SYNE1: variants seen among roughly 807,000 people sequenced by gnomAD.
SYNE1 encodes the protein spectrin repeat containing nuclear envelope protein 1.
Under a neutral mutation model 1,111.0 loss-of-function variants are expected in SYNE1, and 616 were observed. The ratio of observed to expected loss-of-function variants is 0.55; its 90% CI spans 0.52 to 0.59. The LOEUF is 0.59. SYNE1 is among the 20% of genes least tolerant of loss of function. The pLI is 0.00. For missense variants in SYNE1, 10,006 were observed against 10,417.0 expected, an observed-to-expected ratio of 0.96 and a Z score of 1.72; for synonymous variants, 3,855 against 3,825.8, an observed-to-expected ratio of 1.01 and a Z score of -0.28.
intron 138 of SYNE1, among the ~76,000 whole-genome samples, chr6:152,143,367 G>A (rs1456399644): frequency 6.6e-6 from 1 of 152,200 alleles, no homozygotes; most frequent in Non-Finnish European, 1.5e-5. Flanking sequence ...TGCTCTCAAT[G>A]AAAAGGATCT....
Position 152,139,823 on chromosome 6 carries a change from A to G in SYNE1, c.25458+127T>C, listed in dbSNP as rs1585934856. 3.2e-6 allele frequency: 3 copies of G among 925,706 alleles called. No homozygotes were observed. The African/African-American group carries it at 4.9e-5, about 15-fold the overall frequency. 57.3% of individuals were successfully genotyped at this position (925,706 alleles called of 1,614,324 possible). A position where few individuals can be genotyped will look rare whatever the true frequency, so the allele number is the denominator to read the frequency against. ...GGCTGGAGGTGAGGAGAGCATTCTC[A>G]CTCATTTTTGTTAGATCCCTTTTCT... On this transcript the variant is annotated intron_variant, in intron 140 of 145. Transcript: ENST00000367255.
chr6:152,483,221 T>A lies in SYNE1; in HGVS notation c.1214A>T (p.Lys405Ile). The change falls in exon 14 of 146, where the codon AAA becomes ATA. Residue 405 changes from lysine to isoleucine, a missense_variant. By Grantham distance (102) the Lys-to-Ile change is moderately radical (BLOSUM62 -3). Around this residue, in one of 7 missense-constraint regions of SYNE1, gnomAD observed 1,971 missense variants for 2,084.1 expected, o/e 0.95. Transcript: ENST00000367255. ...GGTGCCCAGAGGTGCAGGAAGAGAT[T>A]TATCAAGCTGTATATGCCAGTCAAA... ...RLFDWHIQLDKSLPAPLGTIG... is the reference protein window; with the variant it reads ...RLFDWHIQLDISLPAPLGTIG... The A allele has an allele frequency of 6.2e-7, 1 of 1,614,192 alleles. No individual in the cohort carries two copies. The highest frequency in any genetic ancestry group is 1.3e-5 in the African/African-American group (1 of 75,054).
At chr6:152,195,556 T>TA (rs540423233) in intron 127 of SYNE1, among the ~76,000 whole-genome samples, 54 of 152,360 alleles carry the variant, frequency 3.5e-4, no homozygotes, top group Non-Finnish European at 7.1e-4. Context: ...TGCAGACTGA[T>TA]AGAGGAACCA....
rs551860542 is a variant in SYNE1, at chr6:152,510,152, A to T, written c.581+41T>A. 11 of 1,598,252 alleles carry T rather than the reference A, an allele frequency of 6.9e-6. No homozygotes were observed. In the South Asian group the frequency reaches 1.2e-4, roughly 18 times the overall value. On this transcript the variant is annotated intron_variant, in intron 8 of 145. Transcript: ENST00000367255. The stretch of plus-strand genomic sequence containing the variant: ...TTGCAATTAGTAACATTCATAACTC[A>T]ATTTAACGGTTTCAAATTTAGACAA...
rs1376359259 is a variant in SYNE1, at chr6:152,455,453, A to G, written c.2865T>C (p.Asp955=). The G allele has an allele frequency of 7.4e-6, 12 of 1,613,964 alleles. No individual in the cohort carries two copies. The highest frequency in any genetic ancestry group is 1.0e-5 in the Non-Finnish European group (12 of 1,179,992). Residue 955 remains aspartate, a synonymous_variant, in exon 24 of 146, where the codon GAT becomes GAC. Coordinates refer to ENST00000367255, the MANE Select transcript of SYNE1 (RefSeq NM_182961.4). The part of the protein sequence containing the change: ...IAQEGLEEKG[D]PEELLRRHTE... ...TGTGTCTCCGCAGGAGCTCCTCTGGATCCCCCTTTTCCTCCAGGCCCTCCT... is the reference window on the plus strand; with the variant it reads ...TGTGTCTCCGCAGGAGCTCCTCTGGGTCCCCCTTTTCCTCCAGGCCCTCCT...
intron 3 of SYNE1, among the ~76,000 whole-genome samples, chr6:152,598,320 G>A (rs967654762): frequency 2.0e-5 from 3 of 152,046 alleles, no homozygotes; most frequent in Admixed American, 6.6e-5. Context: ...CATGTGAGAC[G>A]TGTCTTCCAC....
chr6:152,537,042 A>T (rs2099246700), intron 4 of SYNE1, among the ~76,000 whole-genome samples: 1 of 152,140 alleles, frequency 6.6e-6, no homozygotes, highest in East Asian at 1.9e-4. Context: ...AAAAATCAAT[A>T]TTGGGCTAAT....
At position 152,143,910 on chromosome 6, in the gene SYNE1, C is replaced by A. The variant is rs1242956065; in HGVS notation, c.24977-145G>T. On this transcript the variant is annotated intron_variant, in intron 137 of 145. Transcript: ENST00000367255. ...GGGTAATTACAAAGCAAATTTAGTA[C>A]CATCGTGCCGGTGGGTTAGACATTA... 4.3e-6 allele frequency: 5 copies of A among 1,169,222 alleles called. No homozygotes were observed. The Admixed American group carries it at 5.9e-5, about 14-fold the overall frequency. The allele number at this position is 1,169,222 out of a possible 1,614,324, so 72.4% of individuals were successfully genotyped here.
At position 152,450,783 on chromosome 6, in the gene SYNE1, C is replaced by T. The variant is rs1327721027; in HGVS notation, c.3237G>A (p.Gln1079=). Residue 1079 remains glutamine, a synonymous_variant, in exon 27 of 146, where the codon CAG becomes CAA. Coordinates refer to ENST00000367255, the MANE Select transcript of SYNE1 (RefSeq NM_182961.4). The part of the protein sequence containing the change: ...GPHHLCEKRL[Q]LIEELCVKLP... ...GTTTCACACAGAGTTCCTCGATGAG[C>T]TGTAACCTTTTCTCACAGAGATGAT... is the stretch of plus-strand genomic sequence containing the variant. The T allele has an allele frequency of 6.2e-7, 1 of 1,614,104 alleles. No homozygotes were observed. Among genetic ancestry groups the T allele is most frequent in the Non-Finnish European group, 8.5e-7 (1 of 1,180,032 alleles).
At chr6:152,231,690 A>T (rs1434317645) in intron 113 of SYNE1, 123 bp from the exon 114 acceptor site, 1 of 1,027,742 alleles carries the variant, frequency 9.7e-7, no homozygotes, top group Non-Finnish European at 1.4e-6. Flanking sequence ...CTGAAATGGC[A>T]CAATTTGTCT....
In SYNE1 at chr6:152,242,458, C is replaced by G. The variant is rs375530310; in HGVS notation, c.19693-18G>C. 1 of 1,613,494 alleles carries G rather than the reference C, an allele frequency of 6.2e-7. No individual in the cohort carries two copies. The highest frequency in any genetic ancestry group is 8.5e-7 in the Non-Finnish European group (1 of 1,179,672). ...TACATGTCCTAAGAAGCAGAGACCA[C>G]AAGACTCACTCTCAATTCATATTCT... is the stretch of plus-strand genomic sequence containing the variant. On this transcript the variant is annotated intron_variant, in intron 106 of 145. Coordinates refer to ENST00000367255, the MANE Select transcript of SYNE1 (RefSeq NM_182961.4).
At position 152,204,201 on chromosome 6, in the gene SYNE1, C is replaced by T. The variant is rs911321577; in HGVS notation, c.23019+1967G>A. Reference sequence around the variant, plus strand: ...CCAACATGGTGAAAACCCATCTCTACTAAAAATACAAAAATTAGCCAGGCG... The same window carrying T: ...CCAACATGGTGAAAACCCATCTCTATTAAAAATACAAAAATTAGCCAGGCG... On this transcript the variant is annotated intron_variant, in intron 126 of 145. Coordinates refer to ENST00000367255, the MANE Select transcript of SYNE1 (RefSeq NM_182961.4). 2.2e-4 allele frequency among the ~76,000 whole-genome samples: 33 copies of T among 151,852 alleles called. 1 individual carries two copies. Among genetic ancestry groups the T allele is most frequent in the African/African-American group, 7.7e-4 (32 of 41,472 alleles).
At position 152,520,486 on chromosome 6, in the gene SYNE1, C is replaced by T. The variant is rs781096228; in HGVS notation, c.282G>A (p.Thr94=). The T allele has an allele frequency of 3.1e-6, 5 of 1,613,534 alleles. No individual in the cohort carries two copies. Among genetic ancestry groups the T allele is most frequent in the East Asian group, 4.5e-5 (2 of 44,856 alleles). Residue 94 remains threonine, a synonymous_variant, in exon 6 of 146, where the codon ACG becomes ACA. Coordinates refer to ENST00000367255, the MANE Select transcript of SYNE1 (RefSeq NM_182961.4). ...KRIHAVANIG[T]ALKFLEGRKI... Reference sequence around the variant, plus strand: ...TTCTTCCTTCGAGGAACTTGAGTGCCGTGCCAATGTTAGCCACAGCATGGA... The same window carrying T: ...TTCTTCCTTCGAGGAACTTGAGTGCTGTGCCAATGTTAGCCACAGCATGGA...
At chr6:152,527,834 T>A (rs774755527) in intron 4 of SYNE1, among the ~76,000 whole-genome samples, 47 of 152,230 alleles carry the variant, frequency 3.1e-4, no homozygotes, top group Non-Finnish European at 6.6e-4. Context: ...GTTTCGATTT[T>A]AAAAATACAC....
intron 49 of SYNE1, 54 bp downstream of exon 49, chr6:152,398,565 G>T (rs761315675): frequency 1.2e-4 from 176 of 1,445,690 alleles, no homozygotes; most frequent in Admixed American, 5.7e-4. Context: ...AGGTCTGCCT[G>T]CAGGCACCTG....
At chr6:152,204,758 G>A (rs1365195632) in intron 126 of SYNE1, among the ~76,000 whole-genome samples, 1 of 152,136 alleles carries the variant, frequency 6.6e-6, no homozygotes, top group Non-Finnish European at 1.5e-5. Context: ...ATAACTTAAT[G>A]TCATGAGCCT....
chr6:152,498,233 C>T (rs868254786), intron 11 of SYNE1, among the ~76,000 whole-genome samples: 2 of 152,126 alleles, frequency 1.3e-5, no homozygotes, highest in South Asian at 2.1e-4. Flanking sequence ...ATTCATTCTG[C>T]TAATATCTTT....
intron 131 of SYNE1, among the ~76,000 whole-genome samples, chr6:152,156,808 C>T (rs1268391698): frequency 1.3e-5 from 2 of 152,026 alleles, no homozygotes; most frequent in African/African-American, 4.8e-5. Context: ...CACTCAAGAA[C>T]TGGGCTTTAA....
At chr6:152,284,339 G>A (rs1199026547) in intron 95 of SYNE1, among the ~76,000 whole-genome samples, 167 bp from the exon 96 acceptor site, 3 of 152,144 alleles carry the variant, frequency 2.0e-5, no homozygotes, top group East Asian at 3.8e-4. Flanking sequence ...CTAAATGAAA[G>A]GCCAGGACTT....
Sources: allele counts gnomAD v4.1 joint callset (sites outside exome capture counted in the v4.1 genomes callset), GRCh38; gene constraint gnomAD v4.1.1; regional missense constraint gnomAD v4.1.1; transcripts MANE v1.5; gene names NCBI Gene and HGNC (gene_info 2026-07-23, HGNC 2026-07-21).